DDX10: variants seen among roughly 807,000 people sequenced by gnomAD.
The protein encoded by DDX10 is probable ATP-dependent RNA helicase DDX10.
Under a neutral mutation model 104.3 loss-of-function variants are expected in DDX10, and 74 were observed. The observed-to-expected ratio is 0.71, with a 90% confidence interval of 0.59 to 0.86. DDX10 has a LOEUF of 0.86. DDX10 is among the 40% of genes least tolerant of loss of function. The pLI, the probability that DDX10 is intolerant of heterozygous loss-of-function variation, is 0.00. For missense variants in DDX10, 952 were observed against 1,040.0 expected (o/e 0.92, Z 1.16); for synonymous variants, 351 against 353.4 (o/e 0.99, Z 0.08).
At chr11:108,928,140 A>C (rs542505572) in intron 17 of DDX10, among the ~76,000 whole-genome samples, 1 of 152,184 alleles carries the variant, frequency 6.6e-6, no homozygotes, top group South Asian at 2.1e-4. Flanking sequence ...CTGTGATAAT[A>C]TGTTATTTGC....
At chr11:108,838,153 G>A (rs1180828007) in intron 13 of DDX10, among the ~76,000 whole-genome samples, 2 of 151,008 alleles carry the variant, frequency 1.3e-5, no homozygotes, top group East Asian at 1.9e-4. Flanking sequence ...ATTATATTAT[G>A]TAATTTTTAG....
intron 16 of DDX10, among the ~76,000 whole-genome samples, chr11:108,854,900 A>G (rs544309293): frequency 6.6e-6 from 1 of 152,322 alleles, no homozygotes; most frequent in African/African-American, 2.4e-5. Context: ...TGAGTAGGAT[A>G]AACTAAAGTT....
chr11:108,749,026 A>G (rs2094335159), intron 13 of DDX10, among the ~76,000 whole-genome samples: 1 of 151,926 alleles, frequency 6.6e-6, no homozygotes, highest in South Asian at 2.1e-4. Flanking sequence ...AATTACTGAC[A>G]ACCATAAATA....
chr11:108,836,106 C>T (rs551938198), intron 13 of DDX10, among the ~76,000 whole-genome samples: 1 of 152,296 alleles, frequency 6.6e-6, no homozygotes, highest in South Asian at 2.1e-4. Flanking sequence ...AGACCCTATT[C>T]TCCAGCCTCA....
chr11:108,815,287 C>T (rs934430214), intron 13 of DDX10, among the ~76,000 whole-genome samples: 2 of 151,718 alleles, frequency 1.3e-5, no homozygotes, highest in African/African-American at 4.9e-5. Flanking sequence ...TGATTTGTGG[C>T]CTTTTTTTCT....
At chr11:108,918,883 CT>C (rs1327081209) in intron 17 of DDX10, 1 of 152,088 alleles carries the variant, frequency 6.6e-6, no homozygotes, top group African/African-American at 2.4e-5. Flanking sequence ...CAGTGAGCTT[CT>C]TTACAGAAGG....
chr11:108,800,952 A>G (rs1423650652), intron 13 of DDX10, among the ~76,000 whole-genome samples: 1 of 152,168 alleles, frequency 6.6e-6, no homozygotes, highest in Non-Finnish European at 1.5e-5. Context: ...GTTGTTTATT[A>G]TCTGCCATTT....
At chr11:108,712,872 T>A (rs1333845253) in intron 10 of DDX10, among the ~76,000 whole-genome samples, 1 of 152,132 alleles carries the variant, frequency 6.6e-6, no homozygotes, top group African/African-American at 2.4e-5. Context: ...GCAATAAGTT[T>A]TGTCAATTTT....
At chr11:108,729,848 T>A (rs937780913) in intron 13 of DDX10, 2 of 152,216 alleles carry the variant, frequency 1.3e-5, no homozygotes, top group Non-Finnish European at 2.9e-5. Flanking sequence ...AGATTTGGTC[T>A]GCAAATTCTT....
chr11:108,748,944 A>G (rs1375049376), intron 13 of DDX10, among the ~76,000 whole-genome samples: 2 of 152,014 alleles, frequency 1.3e-5, no homozygotes, highest in Admixed American at 1.3e-4. Context: ...GATTACAGGC[A>G]TGAGCCACCA....
intron 9 of DDX10, among the ~76,000 whole-genome samples, chr11:108,703,276 C>T (rs2094271071): frequency 6.6e-6 from 1 of 152,034 alleles, no homozygotes. Context: ...TATAATTTAT[C>T]GATTTGAAAT....
chr11:108,810,655 C>T (rs969414974), intron 13 of DDX10, among the ~76,000 whole-genome samples: 5 of 152,124 alleles, frequency 3.3e-5, no homozygotes, highest in South Asian at 2.1e-4. Context: ...TATGTTTCAA[C>T]GGAACCTGTG....
intron 9 of DDX10, among the ~76,000 whole-genome samples, chr11:108,698,141 T>A (rs767601746): frequency 1.4e-4 from 22 of 152,188 alleles, no homozygotes; most frequent in Non-Finnish European, 2.8e-4. Flanking sequence ...GGCCACTAGT[T>A]AAAATCTGTA....
At chr11:108,827,729 A>G (rs920932884) in intron 13 of DDX10, among the ~76,000 whole-genome samples, 5 of 152,078 alleles carry the variant, frequency 3.3e-5, no homozygotes, top group African/African-American at 9.7e-5. Context: ...CCCATCCTCC[A>G]GCCGAAACTT....
chr11:108,888,932 A>C (rs1400061200), intron 16 of DDX10, among the ~76,000 whole-genome samples: 1 of 152,170 alleles, frequency 6.6e-6, no homozygotes, highest in South Asian at 2.1e-4. Flanking sequence ...TCTAGTCCAG[A>C]CCTTGCCCTT....
intron 6 of DDX10, among the ~76,000 whole-genome samples, chr11:108,685,264 C>G (rs1305430720): frequency 1.3e-5 from 2 of 151,394 alleles, no homozygotes; most frequent in South Asian, 4.2e-4. Context: ...GTCTGAAAAG[C>G]GCAATATTCG....
At chr11:108,855,135 T>C (rs527272685) in intron 16 of DDX10, among the ~76,000 whole-genome samples, 8 of 152,366 alleles carry the variant, frequency 5.3e-5, no homozygotes, top group African/African-American at 1.7e-4. Context: ...GAATTGTTTT[T>C]ACTTTAGCTA....
At position 108,723,473 on chromosome 11, in the gene DDX10, TCCCA is replaced by T; in HGVS notation, c.1965+12_1965+15del. On this transcript the variant is annotated intron_variant, in intron 13 of 17. Transcript: ENST00000322536. ...GAGAAAACATTACAGGTAAGTTTACTCCCAGTGGAGGGTCTTCTATTACATTGTC... is the reference window on the plus strand; with the variant it reads ...GAGAAAACATTACAGGTAAGTTTACTGTGGAGGGTCTTCTATTACATTGTC... 1 of 1,602,686 alleles carries T rather than the reference TCCCA, an allele frequency of 6.2e-7. No homozygotes were observed. Among genetic ancestry groups the T allele is most frequent in the Non-Finnish European group, 8.5e-7 (1 of 1,174,984 alleles).
intron 6 of DDX10, among the ~76,000 whole-genome samples, chr11:108,684,709 T>C (rs985635239): frequency 7.0e-6 from 1 of 142,388 alleles, no homozygotes; most frequent in Non-Finnish European, 1.5e-5. Flanking sequence ...CCTTTGGGTA[T>C]ATACCCAGTA....
Sources: gnomAD v4.1 joint callset for allele counts (sites outside exome capture counted in the v4.1 genomes callset) on GRCh38, gnomAD v4.1.1 for gene constraint, MANE v1.5 for transcripts, NCBI Gene and HGNC (gene_info 2026-07-23, HGNC 2026-07-21) for gene names.